DCLK1: variants seen among roughly 807,000 people sequenced by gnomAD.
DCLK1 encodes the protein serine/threonine-protein kinase DCLK1.
A neutral mutation model predicts 86.2 loss-of-function variants in DCLK1; 16 were observed. That is an observed-to-expected ratio of 0.19 (90% CI 0.13 to 0.28). The LOEUF (loss-of-function observed/expected upper bound fraction) is 0.28. Ranked by LOEUF, DCLK1 falls within the 10% of genes least tolerant of loss-of-function variation. The pLI, the probability that DCLK1 is intolerant of heterozygous loss-of-function variation, is 1.00. For synonymous variants in DCLK1, 369 were observed against 370.5 expected (o/e 1.00, Z 0.05); for missense variants, 590 against 940.2 (o/e 0.63, Z 4.87).
chr13:35,895,629 A>G (rs905095237), intron 4 of DCLK1, among the ~76,000 whole-genome samples: 32 of 152,278 alleles, frequency 2.1e-4, no homozygotes, highest in Admixed American at 3.3e-4. Context: ...AGCTATCTCT[A>G]TAAATTATTT....
chr13:36,110,900 G>C (rs997284148), intron 3 of DCLK1, among the ~76,000 whole-genome samples: 57 of 143,186 alleles, frequency 4.0e-4, no homozygotes, highest in African/African-American at 1.1e-3. Context: ...GTGCGATCTC[G>C]GCTCACTGCA....
intron 4 of DCLK1, among the ~76,000 whole-genome samples, chr13:35,905,809 G>C (rs890846231): frequency 6.6e-6 from 1 of 151,662 alleles, no homozygotes; most frequent in South Asian, 2.1e-4. Flanking sequence ...GTAGCCAGGT[G>C]TGGTGGTGTG....
At chr13:35,801,679 C>T (rs2086923193) in intron 15 of DCLK1, among the ~76,000 whole-genome samples, 1 of 152,086 alleles carries the variant, frequency 6.6e-6, no homozygotes, top group African/African-American at 2.4e-5. Context: ...TAAAACTGTG[C>T]ACAAAACCAG....
intron 3 of DCLK1, among the ~76,000 whole-genome samples, chr13:36,090,536 A>G (rs1247349443): frequency 6.6e-6 from 1 of 152,192 alleles, no homozygotes; most frequent in Non-Finnish European, 1.5e-5. Flanking sequence ...CCACGCTGGG[A>G]CAAAAGCTCT....
chr13:36,120,178 G>C (rs532812669), intron 2 of DCLK1, among the ~76,000 whole-genome samples: 1 of 152,058 alleles, frequency 6.6e-6, no homozygotes, highest in South Asian at 2.1e-4. Context: ...GTGTACAAAG[G>C]ACCCAAGAGG....
At chr13:35,795,901 G>A (rs1311804411) in intron 15 of DCLK1, among the ~76,000 whole-genome samples, 1 of 134,056 alleles carries the variant, frequency 7.5e-6, no homozygotes, top group Non-Finnish European at 1.5e-5. Context: ...CTCCAGCCTG[G>A]GCAACAAAAG....
At chr13:36,084,742 C>G (rs1884535964) in intron 3 of DCLK1, among the ~76,000 whole-genome samples, 1 of 152,168 alleles carries the variant, frequency 6.6e-6, no homozygotes, top group Non-Finnish European at 1.5e-5. Flanking sequence ...CAAAACCAAG[C>G]AAGTTTGTAA....
chr13:35,879,750 C>A (rs1872778560), intron 4 of DCLK1, among the ~76,000 whole-genome samples: 1 of 152,206 alleles, frequency 6.6e-6, no homozygotes, highest in African/African-American at 2.4e-5. Context: ...TGATCTGTTC[C>A]TTGTTCTACC....
intron 4 of DCLK1, among the ~76,000 whole-genome samples, chr13:35,920,468 G>C (rs1875732216): frequency 6.6e-6 from 1 of 152,204 alleles, no homozygotes; most frequent in Non-Finnish European, 1.5e-5. Context: ...AGCTTGAACA[G>C]GCTAGGGCAG....
At chr13:36,007,492 A>C (rs1211756739) in intron 3 of DCLK1, among the ~76,000 whole-genome samples, 2 of 152,176 alleles carry the variant, frequency 1.3e-5, no homozygotes, top group East Asian at 3.8e-4. Context: ...AGAATCCTCA[A>C]AATATCTTGG....
At chr13:35,863,956 G>C (rs1239366793) in intron 5 of DCLK1, among the ~76,000 whole-genome samples, 1 of 152,168 alleles carries the variant, frequency 6.6e-6, no homozygotes, top group Non-Finnish European at 1.5e-5. Flanking sequence ...AAGTTTTAAG[G>C]CTGGGTGTTC....
intron 16 of DCLK1, among the ~76,000 whole-genome samples, chr13:35,782,309 C>T (rs2086541635): frequency 6.6e-6 from 1 of 152,066 alleles, no homozygotes; most frequent in African/African-American, 2.4e-5. Flanking sequence ...GAGCTCAGGA[C>T]AAAATTTGTG....
intron 3 of DCLK1, among the ~76,000 whole-genome samples, chr13:35,988,272 G>A (rs760513952): frequency 9.9e-5 from 15 of 152,224 alleles, no homozygotes; most frequent in Non-Finnish European, 1.2e-4. Context: ...CCCCTGCAGC[G>A]GGGACCCCAC....
chr13:35,810,539 T>C (rs2087121000), intron 12 of DCLK1, among the ~76,000 whole-genome samples: 2 of 152,212 alleles, frequency 1.3e-5, no homozygotes, highest in African/African-American at 4.8e-5. Flanking sequence ...TTACCATCGC[T>C]GTGTGTTTCT....
intron 3 of DCLK1, among the ~76,000 whole-genome samples, chr13:35,979,858 G>A (rs1438707589): frequency 6.6e-6 from 1 of 152,160 alleles, no homozygotes; most frequent in Non-Finnish European, 1.5e-5. Context: ...AGCAGCTCTG[G>A]CACTAAGTCA....
chr13:36,035,915 G>A (rs965689720), intron 3 of DCLK1, among the ~76,000 whole-genome samples: 1 of 152,058 alleles, frequency 6.6e-6, no homozygotes, highest in Admixed American at 6.6e-5. Flanking sequence ...TGGCCACACT[G>A]TGATAGTTAT....
chr13:35,988,974 T>C (rs1017835584), intron 3 of DCLK1, among the ~76,000 whole-genome samples: 2 of 152,104 alleles, frequency 1.3e-5, no homozygotes, highest in African/African-American at 4.8e-5. Flanking sequence ...AAACAACCAT[T>C]GGAAATTGCC....
intron 4 of DCLK1, among the ~76,000 whole-genome samples, chr13:35,881,337 T>C (rs921645391): frequency 1.1e-4 from 16 of 152,324 alleles, no homozygotes; most frequent in African/African-American, 3.6e-4. Flanking sequence ...TGTGCGCCTC[T>C]AACCAATCCC....
chr13:35,848,458 C>T, intron 6 of DCLK1: 1 of 985,244 alleles, frequency 1.0e-6, no homozygotes, highest in Non-Finnish European at 1.2e-6. Context: ...CCTGAACAGT[C>T]CTTTAATAGA....
Sources: allele counts gnomAD v4.1 joint callset (sites outside exome capture counted in the v4.1 genomes callset), GRCh38; gene constraint gnomAD v4.1.1; transcripts MANE v1.5; gene names NCBI Gene and HGNC (gene_info 2026-07-23, HGNC 2026-07-21).